The following IMMP2L variants were observed in gnomAD, a reference collection of about 807,000 sequenced individuals.
IMMP2L encodes the protein inner mitochondrial membrane peptidase subunit 2, also known as mitochondrial inner membrane protease subunit 2.
A neutral mutation model predicts 19.3 loss-of-function variants in IMMP2L; 18 were observed. The ratio of observed to expected loss-of-function variants is 0.93; its 90% CI spans 0.64 to 1.38. The LOEUF is 1.38. IMMP2L is among the 40% of genes most tolerant of loss of function. The pLI is 0.00. For missense variants in IMMP2L, 233 were observed against 218.2 expected (o/e 1.07, Z -0.43); for synonymous variants, 76 against 73.0 (o/e 1.04, Z -0.21).
intron 3 of IMMP2L, among the ~76,000 whole-genome samples, chr7:111,038,658 T>C (rs982177395): frequency 6.6e-6 from 1 of 152,098 alleles, no homozygotes; most frequent in Non-Finnish European, 1.5e-5. Flanking sequence ...TCAGTGGAAA[T>C]ATAATGAATA....
At chr7:111,333,369 C>T (rs927078113) in intron 3 of IMMP2L, among the ~76,000 whole-genome samples, 1 of 152,010 alleles carries the variant, frequency 6.6e-6, no homozygotes, top group African/African-American at 2.4e-5. Context: ...GTTAACCTTA[C>T]ATAATAGCAT....
intron 5 of IMMP2L, among the ~76,000 whole-genome samples, chr7:110,669,052 CGTGTGTGT>C (rs1165734674): frequency 1.6e-3 from 102 of 65,316 alleles, no homozygotes; most frequent in African/African-American, 4.9e-3. Context: ...TGTGTGTGTG[CGTGTGTGT>C]GTGTGTGTGT....
At chr7:111,288,708 C>A (rs923773327) in intron 3 of IMMP2L, among the ~76,000 whole-genome samples, 1 of 152,036 alleles carries the variant, frequency 6.6e-6, no homozygotes, top group Non-Finnish European at 1.5e-5. Context: ...AAAATGAAAA[C>A]CACAATGAGA....
chr7:111,058,556 G>T (rs1280234078), intron 3 of IMMP2L, among the ~76,000 whole-genome samples: 1 of 152,258 alleles, frequency 6.6e-6, no homozygotes, highest in East Asian at 1.9e-4. Flanking sequence ...ATTTTAAAAT[G>T]AATTTGCGCA....
intron 3 of IMMP2L, among the ~76,000 whole-genome samples, chr7:111,279,355 C>A (rs1181363221): frequency 2.0e-5 from 3 of 152,020 alleles, no homozygotes. Flanking sequence ...TTGGAAAAAG[C>A]TTTTTTGTAA....
At chr7:111,452,766 T>C (rs1248581491) in intron 3 of IMMP2L, among the ~76,000 whole-genome samples, 1 of 152,092 alleles carries the variant, frequency 6.6e-6, no homozygotes, top group African/African-American at 2.4e-5. Flanking sequence ...AGCAAATTAT[T>C]ACTCTATTTA....
intron 3 of IMMP2L, among the ~76,000 whole-genome samples, chr7:111,240,073 A>G (rs954313811): frequency 2.0e-5 from 3 of 151,950 alleles, no homozygotes; most frequent in African/African-American, 7.2e-5. Flanking sequence ...CCTCATTTGT[A>G]CAATCAAAAT....
chr7:111,424,622 G>A (rs1835894557), intron 3 of IMMP2L, among the ~76,000 whole-genome samples: 1 of 151,738 alleles, frequency 6.6e-6, no homozygotes, highest in Non-Finnish European at 1.5e-5. Flanking sequence ...GTATAGCCAT[G>A]CTACTTAAAA....
intron 2 of IMMP2L, among the ~76,000 whole-genome samples, chr7:111,503,043 G>A (rs1328900501): frequency 6.6e-6 from 1 of 151,546 alleles, no homozygotes; most frequent in Non-Finnish European, 1.5e-5. Flanking sequence ...CTGGTTTTTT[G>A]AAAAGATCAA....
Position 110,663,165 on chromosome 7 carries a change from T to C in IMMP2L, c.*437A>G, listed in dbSNP as rs1021469989. 4.3e-5 allele frequency: 8 copies of C among 186,290 alleles called. No homozygotes were observed. In the East Asian group the frequency reaches 1.4e-3, roughly 32 times the overall value. 11.5% of individuals were successfully genotyped at this position (186,290 alleles called of 1,614,324 possible). A position where few individuals can be genotyped will look rare whatever the true frequency, so the allele number is the denominator to read the frequency against. On this transcript the variant is annotated 3_prime_UTR_variant, in exon 6 of 6. Transcript: ENST00000405709. Reference sequence around the variant, plus strand: ...AATTCCCATCATTATGTGTATAATATGTGTTCCTTCTTGTTCTACCTTAAC... The same window carrying C: ...AATTCCCATCATTATGTGTATAATACGTGTTCCTTCTTGTTCTACCTTAAC...
chr7:111,308,673 T>G (rs1220913696), intron 3 of IMMP2L, among the ~76,000 whole-genome samples: 2 of 151,936 alleles, frequency 1.3e-5, no homozygotes, highest in Admixed American at 1.3e-4. Flanking sequence ...GAAAAAAAAG[T>G]ACCTTTGTCA....
intron 3 of IMMP2L, among the ~76,000 whole-genome samples, chr7:111,037,024 G>A (rs1249285090): frequency 6.6e-6 from 1 of 152,142 alleles, no homozygotes; most frequent in African/African-American, 2.4e-5. Context: ...CAGAACTGCT[G>A]AGCAGATCCC....
At chr7:111,184,343 TATC>T in intron 3 of IMMP2L, among the ~76,000 whole-genome samples, 1 of 152,166 alleles carries the variant, frequency 6.6e-6, no homozygotes, top group Non-Finnish European at 1.5e-5. Flanking sequence ...CCCTGAAAGG[TATC>T]ATCATTTACA....
chr7:110,785,522 T>A (rs1465736045), intron 5 of IMMP2L, among the ~76,000 whole-genome samples: 1 of 151,894 alleles, frequency 6.6e-6, no homozygotes, highest in Non-Finnish European at 1.5e-5. Flanking sequence ...GGACTTCCCA[T>A]AGATTTTCCC....
chr7:111,142,340 A>AAAGAAAGAAAGAAAGAAAG (rs1803010076), intron 3 of IMMP2L, among the ~76,000 whole-genome samples: 3 of 16,332 alleles, frequency 1.8e-4, no homozygotes, highest in African/African-American at 2.3e-4. Flanking sequence ...AAAAAAAAAA[A>AAAGAAAGAAAGAAAGAAAG]AAAGAAAGAA....
intron 3 of IMMP2L, chr7:111,124,987 A>C (rs1801141313): frequency 2.1e-6 from 2 of 954,184 alleles, no homozygotes; most frequent in East Asian, 2.7e-5. Context: ...CAAAACAAAC[A>C]AACAAACAAA....
intron 3 of IMMP2L, among the ~76,000 whole-genome samples, chr7:111,266,457 C>A: frequency 6.6e-6 from 1 of 151,020 alleles, no homozygotes; most frequent in African/African-American, 2.4e-5. Context: ...ACAGGAGAAT[C>A]GCTTGAACCC....
chr7:111,360,753 G>A (rs37660), intron 3 of IMMP2L, among the ~76,000 whole-genome samples: 8,174 of 152,146 alleles, frequency 0.054, 318 homozygotes, highest in African/African-American at 0.1. Context: ...AGGAAGTCAA[G>A]GCTGCAGTGA....
At chr7:111,448,066 G>C (rs1316669080) in intron 3 of IMMP2L, among the ~76,000 whole-genome samples, 3 of 144,380 alleles carry the variant, frequency 2.1e-5, no homozygotes, top group Non-Finnish European at 3.0e-5. Flanking sequence ...AGCAAGTCGT[G>C]AGTGACCTAC....
Sources: gnomAD v4.1 joint callset for allele counts (sites outside exome capture counted in the v4.1 genomes callset) on GRCh38, gnomAD v4.1.1 for gene constraint, MANE v1.5 for transcripts, NCBI Gene and HGNC (gene_info 2026-07-23, HGNC 2026-07-21) for gene names.